Variants in CBX8 observed in about 807,000 individuals in gnomAD.
The protein encoded by CBX8 is chromobox protein homolog 8.
CBX8 carries 8 observed loss-of-function variants against 39.7 expected under a neutral mutation model. The ratio of observed to expected loss-of-function variants is 0.20; its 90% CI spans 0.12 to 0.36. CBX8 has a LOEUF of 0.36. Among genes scored for constraint, CBX8 ranks in the 10% least tolerant of loss-of-function variants. CBX8 has a pLI of 1.00. For missense variants in CBX8, 505 were observed against 529.6 expected (o/e 0.95, Z 0.46); for synonymous variants, 268 against 219.8 (o/e 1.22, Z -1.94).
At chr17:79,796,453 C>T in intron 2 of CBX8, 44 bp downstream of exon 2, 1 of 1,613,084 alleles carries the variant, frequency 6.2e-7, no homozygotes, top group Non-Finnish European at 8.5e-7. Context: ...AAGAAACCTC[C>T]CGAATAACAG....
chr17:79,795,407 G>A lies in CBX8; in HGVS notation c.398C>T (p.Ala133Val), dbSNP rs537021336. The A allele has an allele frequency of 1.5e-5, 24 of 1,602,904 alleles. No individual in the cohort carries two copies. In the East Asian group the frequency reaches 4.3e-4, roughly 29 times the overall value. The change falls in exon 5 of 5, where the codon GCG becomes GTG. Residue 133 changes from alanine to valine, a missense_variant. By Grantham distance (64) the Ala-to-Val change is moderately conservative. Around this residue, in one of 3 missense-constraint regions of CBX8, gnomAD observed 456 missense variants for 389.2 expected, o/e 1.17. Coordinates refer to ENST00000269385, the MANE Select transcript of CBX8 (RefSeq NM_020649.3). The surrounding 1 kb of genome is among the most constrained non-coding windows in gnomAD (Gnocchi z 5.8). The stretch of plus-strand genomic sequence containing the variant: ...GGTGCTGCTGGTGCTGGTGCTGCTC[G>A]CTGGCGGGGACAAACCCATGTTTCG... Reference protein sequence around the residue: ...GLRNMGLSPPASSTSTSSTCR... With the variant: ...GLRNMGLSPPVSSTSTSSTCR...
Position 79,796,075 on chromosome 17 carries a change from G to A in CBX8, c.228C>T (p.Pro76=). 1 of 1,614,146 alleles carries A rather than the reference G, an allele frequency of 6.2e-7. No homozygotes were observed. Among genetic ancestry groups the A allele is most frequent in the Non-Finnish European group, 8.5e-7 (1 of 1,180,028 alleles). ...AACCTACTTTGAGGAGGAAGGTTTT[G>A]GGCTTGGGTCCACGCTTTTTGGGGC... ...LYGPKKRGPK[P]KTFLLKAQAK... The change falls in exon 4 of 5, where the codon CCC becomes CCT. Residue 76 remains proline (P), a synonymous_variant. Coordinates refer to ENST00000269385, the MANE Select transcript of CBX8 (RefSeq NM_020649.3).
chr17:79,794,921 T>C lies in CBX8; in HGVS notation c.884A>G (p.Lys295Arg), dbSNP rs765756107. The C allele has an allele frequency of 6.2e-7, 1 of 1,609,106 alleles. No individual in the cohort carries two copies. Among genetic ancestry groups the C allele is most frequent in the South Asian group, 1.1e-5 (1 of 90,540 alleles). ...IKHRAAFLEA[K>R]GQGALDPNGT... ...ATTGGGATCTAGGGCACCCTGGCCT[T>C]TGGCCTCCAGGAAGGCAGCCCTGTG... is the stretch of plus-strand genomic sequence containing the variant. Residue 295 changes from lysine to arginine, a missense_variant, in exon 5 of 5, where the codon AAA (lysine) becomes AGA (arginine). This residue lies in a region of CBX8 where 456 missense variants were observed against 389.2 expected (regional missense o/e 1.17). Transcript: ENST00000269385.
At position 79,795,559 on chromosome 17, in the gene CBX8, C is replaced by T; in HGVS notation, c.247-1G>A. The T allele has an allele frequency of 6.6e-7, 1 of 1,512,724 alleles. No individual in the cohort carries two copies. Among genetic ancestry groups the T allele is most frequent in the Non-Finnish European group, 8.8e-7 (1 of 1,132,622 alleles). The allele number at this position is 1,512,724 out of a possible 1,614,324, so 93.7% of individuals were successfully genotyped here. The stretch of plus-strand genomic sequence containing the variant: ...TTTTGGCCTTTGCCTTGGCCTGCGC[C>T]TGCAGGAGAGAAGATGGTCTCAAGA... On this transcript the variant is annotated splice_acceptor_variant, in intron 4 of 4. Transcript: ENST00000269385. LOFTEE classifies it high-confidence loss of function. The surrounding 1 kb of genome is among the most constrained non-coding windows in gnomAD (Gnocchi z 5.8).
chr17:79,796,836 G>A (rs1908113713), intron 1 of CBX8, 94 bp downstream of exon 1: 4 of 1,253,324 alleles, frequency 3.2e-6, no homozygotes, highest in Non-Finnish European at 4.4e-6. Context: ...CTGGGACCTG[G>A]GGGAAGGGAA....
At position 79,793,706 on chromosome 17, in the gene CBX8, C is replaced by G. The variant is rs1267743308; in HGVS notation, c.*929G>C. The G allele has an allele frequency of 6.6e-6, 1 of 152,260 alleles. No homozygotes were observed. Among genetic ancestry groups the G allele is most frequent in the Admixed American group, 6.5e-5 (1 of 15,292 alleles). The allele number at this position is 152,260 out of a possible 1,614,324, so 9.4% of individuals were successfully genotyped here. A position where few individuals can be genotyped will look rare whatever the true frequency, so the allele number is the denominator to read the frequency against. On this transcript the variant is annotated 3_prime_UTR_variant, in exon 5 of 5. Transcript: ENST00000269385. ...GAGGACGCGAAAAGGAAAAGTCCAC[C>G]CCAACACTTTTCTTGCAAAACAACT...
At position 79,795,040 on chromosome 17, in the gene CBX8, G is replaced by C. The variant is rs1292153829; in HGVS notation, c.765C>G (p.Asp255Glu). The C allele has an allele frequency of 6.2e-7, 1 of 1,607,364 alleles. No homozygotes were observed. ...HSVIQLARRQ[D>E]SDLVQCGVTS... Reference sequence around the variant, plus strand: ...TCACACCACACTGCACCAGGTCCGAGTCCTGTCTTCGGGCCAGCTGGATCA... The same window carrying C: ...TCACACCACACTGCACCAGGTCCGACTCCTGTCTTCGGGCCAGCTGGATCA... The change falls in exon 5 of 5, where the codon GAC becomes GAG. Residue 255 changes from aspartate to glutamate, a missense_variant. This residue lies in a region of CBX8 where 456 missense variants were observed against 389.2 expected (regional missense o/e 1.17). Transcript: ENST00000269385. The surrounding 1 kb of genome is among the most constrained non-coding windows in gnomAD (Gnocchi z 5.8).
rs1908077531 is a variant in CBX8 at position 79,796,116 on chromosome 17, C to T, written c.187G>A (p.Glu63Lys). The T allele has an allele frequency of 6.2e-7, 1 of 1,614,152 alleles. No homozygotes were observed. Among genetic ancestry groups the T allele is most frequent in the Admixed American group, 1.7e-5 (1 of 60,026 alleles). The part of the protein sequence containing the change: ...LLAAFEERER[E>K]MELYGPKKRG... ...TTTTTGGGGCCATAGAGCTCCATCT[C>T]TCTTTCCCTGGAGAAAGAAGAAAAG... Residue 63 changes from glutamate (E) to lysine (K), a missense_variant, in exon 4 of 5, where the codon GAG (glutamate) becomes AAG (lysine). Glu to Lys is a moderately conservative substitution (Grantham distance 56). Around this residue, in one of 3 missense-constraint regions of CBX8, gnomAD observed 32 missense variants for 101.4 expected, o/e 0.32. Coordinates refer to ENST00000269385, the MANE Select transcript of CBX8 (RefSeq NM_020649.3).
chr17:79,795,388 G>A lies in CBX8; in HGVS notation c.417C>T (p.Ser139=), dbSNP rs781600152. 6.2e-7 allele frequency: 1 copy of A among 1,600,370 alleles called. No homozygotes were observed. Among genetic ancestry groups the A allele is most frequent in the Admixed American group, 1.7e-5 (1 of 57,702 alleles). Residue 139 remains serine (S), a synonymous_variant, in exon 5 of 5, where the codon AGC becomes AGT. Coordinates refer to ENST00000269385, the MANE Select transcript of CBX8 (RefSeq NM_020649.3). The surrounding 1 kb of genome is among the most constrained non-coding windows in gnomAD (Gnocchi z 5.8). ...GAGGGGCCTCTGCGCGGCAGGTGCTGCTGGTGCTGGTGCTGCTCGCTGGCG... is the reference window on the plus strand; with the variant it reads ...GAGGGGCCTCTGCGCGGCAGGTGCTACTGGTGCTGGTGCTGCTCGCTGGCG... The part of the protein sequence containing the change: ...LSPPASSTST[S]STCRAEAPRD...
chr17:79,795,976 A>C lies in CBX8; in HGVS notation c.246+81T>G. On this transcript the variant is annotated intron_variant, in intron 4 of 4. Transcript: ENST00000269385. This position sits in a 1 kb window ranked among gnomAD's most constrained non-coding sequence, Gnocchi z 5.8. Reference sequence around the variant, plus strand: ...AATAGGCAACATGTGTGGACACCCCATTGGCTCACAGCCCTCAGAGCCCCC... The same window carrying C: ...AATAGGCAACATGTGTGGACACCCCCTTGGCTCACAGCCCTCAGAGCCCCC... 7.7e-7 allele frequency: 1 copy of C among 1,290,592 alleles called. No homozygotes were observed. Among genetic ancestry groups the C allele is most frequent in the East Asian group, 2.3e-5 (1 of 43,374 alleles). The allele number at this position is 1,290,592 out of a possible 1,614,324, so 79.9% of individuals were successfully genotyped here.
intron 1 of CBX8, 50 bp from the exon 2 acceptor site, chr17:79,796,590 G>A (rs1225349013): frequency 6.9e-6 from 11 of 1,600,022 alleles, no homozygotes; most frequent in Middle Eastern, 3.3e-4. Context: ...AACGCATGAC[G>A]AGGATACAAG....
chr17:79,793,607 C>T lies in CBX8; in HGVS notation c.*1028G>A, dbSNP rs1233265958. 1 of 152,222 alleles carries T rather than the reference C, an allele frequency of 6.6e-6. No individual in the cohort carries two copies. Among genetic ancestry groups the T allele is most frequent in the Admixed American group, 6.5e-5 (1 of 15,294 alleles). The allele number at this position is 152,222 out of a possible 1,614,324, so 9.4% of individuals were successfully genotyped here. On this transcript the variant is annotated 3_prime_UTR_variant, in exon 5 of 5. Transcript: ENST00000269385. ...GTCCACCACAGAGCTGGCGGCCCGCCCTCCCCAGGCAGGGAGGCTTGTCCA... is the reference window on the plus strand; with the variant it reads ...GTCCACCACAGAGCTGGCGGCCCGCTCTCCCCAGGCAGGGAGGCTTGTCCA...
rs1008028677 is a variant in CBX8 at position 79,793,301 on chromosome 17, T to G, written c.*1334A>C. The G allele has an allele frequency of 6.6e-6, 1 of 152,002 alleles. No homozygotes were observed. The highest frequency in any genetic ancestry group is 1.5e-5 in the Non-Finnish European group (1 of 67,980). 9.4% of individuals were successfully genotyped at this position (152,002 alleles called of 1,614,324 possible). A position where few individuals can be genotyped will look rare whatever the true frequency, so the allele number is the denominator to read the frequency against. On this transcript the variant is annotated 3_prime_UTR_variant, in exon 5 of 5. Transcript: ENST00000269385. ...ACTGCGAATCGAAAAGACCTATAAATTATAGCTTTTGCTTTTAAGAAGGAC... is the reference window on the plus strand; with the variant it reads ...ACTGCGAATCGAAAAGACCTATAAAGTATAGCTTTTGCTTTTAAGAAGGAC...
chr17:79,796,044 A>C lies in CBX8; in HGVS notation c.246+13T>G. On this transcript the variant is annotated intron_variant, in intron 4 of 4. Coordinates refer to ENST00000269385, the MANE Select transcript of CBX8 (RefSeq NM_020649.3). ...ATAACATGGTCCTCCACCATTGGAC[A>C]CTGCCAACCTACTTTGAGGAGGAAG... The C allele has an allele frequency of 6.2e-7, 1 of 1,613,548 alleles. No homozygotes were observed. The highest frequency in any genetic ancestry group is 8.5e-7 in the Non-Finnish European group (1 of 1,179,564).
Position 79,795,682 on chromosome 17 carries a change from G to GGAT in CBX8, c.247-127_247-125dup. 3.0e-6 allele frequency: 1 copy of GGAT among 331,264 alleles called. No homozygotes were observed. The highest frequency in any genetic ancestry group is 2.7e-5 in the South Asian group (1 of 37,660). 20.5% of individuals were successfully genotyped at this position (331,264 alleles called of 1,614,324 possible). On this transcript the variant is annotated intron_variant, in intron 4 of 4. Coordinates refer to ENST00000269385, the MANE Select transcript of CBX8 (RefSeq NM_020649.3). This position sits in a 1 kb window ranked among gnomAD's most constrained non-coding sequence, Gnocchi z 5.8. ...CCTGGGAATTTCTACATGGATGCAT[G>GGAT]GATGGGTGGGTGGGTGGGTGGGTGG... is the stretch of plus-strand genomic sequence containing the variant.
chr17:79,796,847 G>A, intron 1 of CBX8, 83 bp downstream of exon 1: 4 of 1,327,390 alleles, frequency 3.0e-6, no homozygotes, highest in Non-Finnish European at 4.2e-6. Flanking sequence ...GGGAAGGGAA[G>A]CTGGGCTGCA....
rs181188145 is a variant in CBX8, at chr17:79,795,749, G to A, written c.247-191C>T. Among the ~76,000 whole-genome samples the A allele has an allele frequency of 7.7e-4, 117 of 152,316 alleles. No individual in the cohort carries two copies. The East Asian group carries it at 0.02, about 25-fold the overall frequency. On this transcript the variant is annotated intron_variant, in intron 4 of 4. Transcript: ENST00000269385. The surrounding 1 kb of genome is among the most constrained non-coding windows in gnomAD (Gnocchi z 5.8). ...GTGGGATGGCTGTTGGAGCTGAGAG[G>A]TAGAAGGATGAGAGAAGAGGTAGAA... is the stretch of plus-strand genomic sequence containing the variant.
chr17:79,796,891 G>C (rs765198608), intron 1 of CBX8, 39 bp downstream of exon 1: 4 of 1,555,658 alleles, frequency 2.6e-6, no homozygotes, highest in Non-Finnish European at 3.5e-6. Context: ...GGAGGGGAGG[G>C]CCCGGCCGCA....
At chr17:79,796,735 C>G (rs1279757845) in intron 1 of CBX8, among the ~76,000 whole-genome samples, 195 bp from the exon 2 acceptor site, 1 of 136,864 alleles carries the variant, frequency 7.3e-6, no homozygotes, top group Non-Finnish European at 1.6e-5. Flanking sequence ...CCCCGCCCCC[C>G]ACCCATGCAA....
Sources: gnomAD v4.1 joint callset for allele counts (sites outside exome capture counted in the v4.1 genomes callset) on GRCh38, gnomAD v4.1.1 for gene constraint, gnomAD v4.1.1 regional missense constraint, Gnocchi (gnomAD v3.1) non-coding constraint, MANE v1.5 for transcripts, NCBI Gene and HGNC (gene_info 2026-07-23, HGNC 2026-07-21) for gene names.